Variants in CACNB2 observed in about 807,000 individuals in gnomAD.
The protein encoded by CACNB2 is voltage-dependent L-type calcium channel subunit beta-2.
In CACNB2, 42 loss-of-function variants were observed where a neutral mutation model predicts 73.3. That is an observed-to-expected ratio of 0.57 (90% CI 0.45 to 0.74). CACNB2 has a LOEUF of 0.74. Among genes scored for constraint, CACNB2 ranks in the 30% least tolerant of loss-of-function variants. The probability of loss-of-function intolerance (pLI) is 0.00; values close to 1 mark genes in which losing one functional copy is unlikely to be tolerated. For synonymous variants in CACNB2, 348 were observed against 310.3 expected, an observed-to-expected ratio of 1.12 and a Z score of -1.28; for missense variants, 940 against 853.0, an observed-to-expected ratio of 1.10 and a Z score of -1.27.
chr10:18,326,906 TG>T (rs2040608894), intron 2 of CACNB2, among the ~76,000 whole-genome samples: 1 of 152,148 alleles, frequency 6.6e-6, no homozygotes, highest in African/African-American at 2.4e-5. Flanking sequence ...TTTGTATTTT[TG>T]GTAGAGACGG....
At chr10:18,268,834 G>A (rs1223678103) in intron 2 of CACNB2, among the ~76,000 whole-genome samples, 1 of 152,104 alleles carries the variant, frequency 6.6e-6, no homozygotes, top group Non-Finnish European at 1.5e-5. Context: ...AACCTGAAAT[G>A]CATTGAGCAA....
chr10:18,436,463 A>G (rs1291979045), intron 3 of CACNB2, among the ~76,000 whole-genome samples: 2 of 152,254 alleles, frequency 1.3e-5, no homozygotes, highest in Non-Finnish European at 2.9e-5. Flanking sequence ...AATCATTGCC[A>G]CATTTCTCTT....
At chr10:18,483,908 C>T (rs553934713) in intron 3 of CACNB2, among the ~76,000 whole-genome samples, 6 of 152,132 alleles carry the variant, frequency 3.9e-5, no homozygotes, top group Non-Finnish European at 7.3e-5. Context: ...TTACTGTCCT[C>T]GCCACAGAAT....
In CACNB2 at chr10:18,286,313, C is replaced by G. The variant is rs184155122; in HGVS notation, c.214-115611C>G. On this transcript the variant is annotated intron_variant, in intron 2 of 13. Transcript: ENST00000324631. ...GGGCGGATCACGAGGTCAGGAGATC[C>G]AGACCATCCTGGCTAACACGGTGAA... is the stretch of plus-strand genomic sequence containing the variant. Among the ~76,000 whole-genome samples the G allele has an allele frequency of 7.4e-3, 1,121 of 151,760 alleles. 10 individuals are homozygous for G. The highest frequency in any genetic ancestry group is 0.024 in the African/African-American group (983 of 41,422).
At chr10:18,194,263 G>A (rs2034531861) in intron 2 of CACNB2, among the ~76,000 whole-genome samples, 2 of 152,156 alleles carry the variant, frequency 1.3e-5, no homozygotes. Context: ...AGTTGCAACT[G>A]GTTAATGAAT....
chr10:18,421,372 CCTGCAACCT>C (rs1189353828), intron 3 of CACNB2, among the ~76,000 whole-genome samples: 1 of 151,746 alleles, frequency 6.6e-6, no homozygotes, highest in East Asian at 1.9e-4. Context: ...ATCTTGGCCC[CCTGCAACCT>C]CTGCCTCCCA....
In CACNB2 at chr10:18,228,182, G is replaced by A. The variant is rs1232639171; in HGVS notation, c.213+77207G>A. On this transcript the variant is annotated intron_variant, in intron 2 of 13. Coordinates refer to ENST00000324631, the MANE Select transcript of CACNB2 (RefSeq NM_201596.3). ...TCACGCCTTGTAATCCTAGCACTTA[G>A]GGAGGCCAAGGCGGGTGAATCACCT... Among the ~76,000 whole-genome samples the A allele has an allele frequency of 2.0e-5, 3 of 152,200 alleles. No individual in the cohort carries two copies. The South Asian group carries it at 6.2e-4, about 32-fold the overall frequency.
At chr10:18,202,963 G>A (rs975253996) in intron 2 of CACNB2, among the ~76,000 whole-genome samples, 4 of 152,166 alleles carry the variant, frequency 2.6e-5, no homozygotes, top group African/African-American at 9.7e-5. Context: ...CACTGGGAAA[G>A]CTGTTAACAG....
chr10:18,158,534 A>C (rs2032221230), intron 2 of CACNB2, among the ~76,000 whole-genome samples: 1 of 152,206 alleles, frequency 6.6e-6, no homozygotes, highest in South Asian at 2.1e-4. Context: ...CAGATACATG[A>C]ATGAAAAAAT....
chr10:18,514,418 C>A, intron 7 of CACNB2, 49 bp downstream of exon 7: 1 of 1,613,618 alleles, frequency 6.2e-7, no homozygotes, highest in South Asian at 1.1e-5. Flanking sequence ...AACTGCACTG[C>A]GTCACATTTC....
At chr10:18,292,094 TTTTCAACTCCA>T in intron 2 of CACNB2, among the ~76,000 whole-genome samples, 2 of 152,340 alleles carry the variant, frequency 1.3e-5, no homozygotes, top group East Asian at 3.9e-4. Flanking sequence ...TTTTAACATG[TTTTCAACTCCA>T]AAACTGTTTG....
chr10:18,447,721 A>G (rs1447145945), intron 3 of CACNB2, among the ~76,000 whole-genome samples: 1 of 152,120 alleles, frequency 6.6e-6, no homozygotes, highest in Non-Finnish European at 1.5e-5. Flanking sequence ...TGACTTTGAA[A>G]AAAAAAAAGG....
chr10:18,242,346 G>A (rs1324367053), intron 2 of CACNB2, among the ~76,000 whole-genome samples: 3 of 152,038 alleles, frequency 2.0e-5, no homozygotes, highest in Non-Finnish European at 4.4e-5. Context: ...AGAGTTAAAT[G>A]GAATATACTT....
rs1376095101 is a variant in CACNB2, at chr10:18,192,004, A to T, written c.213+41029A>T. Among the ~76,000 whole-genome samples the T allele has an allele frequency of 2.0e-5, 3 of 151,744 alleles. No homozygotes were observed. The Admixed American group carries it at 2.0e-4, about 10-fold the overall frequency. ...GGTGATGTCCACAGTGGTAAAAAGG[A>T]CTAAAGTGTGCCCTCATATCAATAT... On this transcript the variant is annotated intron_variant, in intron 2 of 13. Coordinates refer to ENST00000324631, the MANE Select transcript of CACNB2 (RefSeq NM_201596.3).
At chr10:18,401,822 A>C in intron 2 of CACNB2, 102 bp from the exon 3 acceptor site, 1 of 1,148,450 alleles carries the variant, frequency 8.7e-7, no homozygotes, top group Non-Finnish European at 1.3e-6. Context: ...TTTTCAGGAA[A>C]GTATAGAACA....
intron 2 of CACNB2, among the ~76,000 whole-genome samples, chr10:18,172,103 C>A (rs1057363345): frequency 6.6e-6 from 1 of 152,210 alleles, no homozygotes. Flanking sequence ...TGTCCCAGGC[C>A]TGTAATCCCA....
intron 5 of CACNB2, among the ~76,000 whole-genome samples, chr10:18,506,247 T>G (rs1049627306): frequency 2.0e-5 from 3 of 152,324 alleles, no homozygotes; most frequent in East Asian, 1.9e-4. Flanking sequence ...TTCCATTCTC[T>G]CAGGTCCTTT....
rs1362040025 is a variant in CACNB2 at position 18,166,912 on chromosome 10, A to G, written c.213+15937A>G. Among the ~76,000 whole-genome samples, 4 of 152,316 alleles carry G rather than the reference A, an allele frequency of 2.6e-5. No individual in the cohort carries two copies. In the South Asian group the frequency reaches 8.3e-4, roughly 32 times the overall value. ...AGTATAATAATAAAAAATAAATAAA[A>G]TAAAAAAGAAATGCACAGAGGAGGG... On this transcript the variant is annotated intron_variant, in intron 2 of 13. Transcript: ENST00000324631.
chr10:18,462,253 G>A (rs2047622227), intron 3 of CACNB2, among the ~76,000 whole-genome samples: 2 of 152,132 alleles, frequency 1.3e-5, no homozygotes, highest in African/African-American at 4.8e-5. Flanking sequence ...AGGAGCGCTG[G>A]TTGGTTGATT....
Sources: gnomAD v4.1 joint callset for allele counts (sites outside exome capture counted in the v4.1 genomes callset) on GRCh38, gnomAD v4.1.1 for gene constraint, MANE v1.5 for transcripts, NCBI Gene and HGNC (gene_info 2026-07-23, HGNC 2026-07-21) for gene names.